SYT1: variants seen among roughly 807,000 people sequenced by gnomAD.
SYT1 encodes the protein synaptotagmin-1.
In SYT1, 8 loss-of-function variants were observed where a neutral mutation model predicts 44.8. That is an observed-to-expected ratio of 0.18 (90% CI 0.10 to 0.32). SYT1 has a LOEUF of 0.32. SYT1 is among the 10% of genes least tolerant of loss of function. The pLI, the probability that SYT1 is intolerant of heterozygous loss-of-function variation, is 1.00. For missense variants in SYT1, 286 were observed against 509.3 expected (o/e 0.56, Z 4.22); for synonymous variants, 154 against 188.8 (o/e 0.82, Z 1.51).
chr12:78,955,631 C>G (rs1001557165), intron 1 of SYT1: 1 of 152,056 alleles, frequency 6.6e-6, no homozygotes, highest in Admixed American at 6.6e-5. Flanking sequence ...AGAGCCCCCC[C>G]AAAGGCCCAC....
In SYT1 at chr12:79,050,984, T is replaced by A. The variant is rs73351498; in HGVS notation, c.-18+3622T>A. Among the ~76,000 whole-genome samples the A allele has an allele frequency of 4.8e-3, 728 of 152,138 alleles. 7 individuals are homozygous for A. The highest frequency in any genetic ancestry group is 0.017 in the African/African-American group (691 of 41,524). ...GAGGTTACCTCCTCTAATATTATCATTTATATATGGCCTGATAGGTCAAGT... is the reference window on the plus strand; with the variant it reads ...GAGGTTACCTCCTCTAATATTATCAATTATATATGGCCTGATAGGTCAAGT... On this transcript the variant is annotated intron_variant, in intron 3 of 10. Transcript: ENST00000261205.
chr12:78,988,273 TAAAC>T (rs1406153074), intron 2 of SYT1, among the ~76,000 whole-genome samples: 2 of 151,614 alleles, frequency 1.3e-5, no homozygotes, highest in African/African-American at 2.4e-5. Context: ...ATTAAACAAA[TAAAC>T]AATAAACAAC....
In SYT1 at chr12:79,357,808, C is replaced by T. The variant is rs117080947; in HGVS notation, c.928+4189C>T. On this transcript the variant is annotated intron_variant, in intron 9 of 10. Transcript: ENST00000261205. ...CCTCTTAAACATGTCTCAATAGCTT[C>T]GTTGCCTTTTACACATCTCTGTGTG... Among the ~76,000 whole-genome samples, 15 of 152,258 alleles carry T rather than the reference C, an allele frequency of 9.9e-5. No homozygotes were observed. In the East Asian group the frequency reaches 1.9e-3, roughly 20 times the overall value.
intron 2 of SYT1, among the ~76,000 whole-genome samples, chr12:79,026,667 T>TTTTATATATATATA (rs1298013189): frequency 9.8e-6 from 1 of 102,258 alleles, no homozygotes; most frequent in Non-Finnish European, 2.0e-5. Context: ...CATATATATT[T>TTTTATATATATATA]TATATATATA....
chr12:79,285,709 A>G, intron 4 of SYT1, 78 bp from the exon 5 acceptor site: 2 of 1,111,386 alleles, frequency 1.8e-6, no homozygotes, highest in Non-Finnish European at 1.3e-6. Flanking sequence ...AAAAATGAAT[A>G]TCTTTATAGC....
intron 3 of SYT1, among the ~76,000 whole-genome samples, chr12:79,182,891 TA>T (rs977846299): frequency 6.6e-6 from 1 of 152,108 alleles, no homozygotes; most frequent in Admixed American, 6.6e-5. Context: ...CTAACAATTT[TA>T]AAAAGTTAAA....
intron 2 of SYT1, among the ~76,000 whole-genome samples, chr12:79,015,993 A>G (rs535147995): frequency 7.9e-5 from 12 of 152,268 alleles, no homozygotes; most frequent in Admixed American, 1.3e-4. Context: ...CCTGGAAAAT[A>G]ATTTATCAAG....
intron 9 of SYT1, among the ~76,000 whole-genome samples, chr12:79,424,527 G>T (rs1265325330): frequency 6.6e-6 from 1 of 152,096 alleles, no homozygotes; most frequent in Admixed American, 6.5e-5. Context: ...AATTTGAAAT[G>T]CATGGCCATG....
At chr12:79,418,361 G>A (rs767833761) in intron 9 of SYT1, among the ~76,000 whole-genome samples, 14 of 152,114 alleles carry the variant, frequency 9.2e-5, no homozygotes, top group Non-Finnish European at 1.9e-4. Context: ...TCTCAAATTC[G>A]TGGTTTTTCT....
At chr12:79,072,561 G>A (rs925191833) in intron 3 of SYT1, among the ~76,000 whole-genome samples, 22 of 151,892 alleles carry the variant, frequency 1.4e-4, no homozygotes, top group African/African-American at 5.3e-4. Flanking sequence ...ATGCGTAAAT[G>A]GTATGCAAAA....
chr12:79,032,673 T>C (rs896265787), intron 2 of SYT1, among the ~76,000 whole-genome samples: 9 of 151,318 alleles, frequency 5.9e-5, no homozygotes, highest in Non-Finnish European at 1.0e-4. Flanking sequence ...CCACATGTGA[T>C]AGATGGTGTT....
intron 3 of SYT1, among the ~76,000 whole-genome samples, chr12:79,213,001 T>C (rs964545892): frequency 6.6e-6 from 1 of 152,212 alleles, no homozygotes; most frequent in African/African-American, 2.4e-5. Flanking sequence ...ATAAATGGAA[T>C]CATTAGTATT....
At chr12:79,358,718 C>T (rs1167600846) in intron 9 of SYT1, among the ~76,000 whole-genome samples, 3 of 152,122 alleles carry the variant, frequency 2.0e-5, no homozygotes, top group East Asian at 1.9e-4. Context: ...GATGGGAGAG[C>T]AAGGATTCCT....
intron 2 of SYT1, among the ~76,000 whole-genome samples, chr12:79,012,143 A>AAC (rs1555189057): frequency 3.3e-5 from 5 of 151,584 alleles, no homozygotes; most frequent in African/African-American, 1.2e-4. Flanking sequence ...AAAAAAAAAA[A>AAC]AAAAAAGGGA....
At chr12:79,041,431 T>C (rs2137727038) in intron 2 of SYT1, among the ~76,000 whole-genome samples, 1 of 151,466 alleles carries the variant, frequency 6.6e-6, no homozygotes, top group East Asian at 1.9e-4. Flanking sequence ...TGTTTGTCTG[T>C]TGTTGGTGTA....
In SYT1 at chr12:79,240,430, G is replaced by A. The variant is rs1876436577; in HGVS notation, c.166+22745G>A. Among the ~76,000 whole-genome samples the A allele has an allele frequency of 3.3e-5, 5 of 152,136 alleles. No homozygotes were observed. The South Asian group carries it at 1.0e-3, about 32-fold the overall frequency. On this transcript the variant is annotated intron_variant, in intron 4 of 10. Coordinates refer to ENST00000261205, the MANE Select transcript of SYT1 (RefSeq NM_005639.3). ...GGTTAGCAGCAGCATGGTTATTATA[G>A]TGGTGATATCTTCCAGTGCAGATTC...
chr12:79,224,547 T>C (rs1310544747), intron 4 of SYT1, among the ~76,000 whole-genome samples: 1 of 151,914 alleles, frequency 6.6e-6, no homozygotes, highest in Non-Finnish European at 1.5e-5. Flanking sequence ...AGAAGCCCAG[T>C]GTGCCTTAAG....
chr12:79,205,908 A>G (rs1874092309), intron 3 of SYT1, among the ~76,000 whole-genome samples: 1 of 152,172 alleles, frequency 6.6e-6, no homozygotes, highest in Admixed American at 6.5e-5. Flanking sequence ...CCTTTCCAAT[A>G]CATTATTTAT....
chr12:78,886,264 G>T (rs1874743789), intron 1 of SYT1, among the ~76,000 whole-genome samples: 1 of 152,010 alleles, frequency 6.6e-6, no homozygotes, highest in Non-Finnish European at 1.5e-5. Context: ...AAGGGTTCAT[G>T]AATATAGAGT....
Sources: allele counts gnomAD v4.1 joint callset (sites outside exome capture counted in the v4.1 genomes callset), GRCh38; gene constraint gnomAD v4.1.1; transcripts MANE v1.5; gene names NCBI Gene and HGNC (gene_info 2026-07-23, HGNC 2026-07-21).